The following TMEM38B variants were observed in gnomAD, a reference collection of about 807,000 sequenced individuals.
TMEM38B encodes trimeric intracellular cation channel type B.
In TMEM38B, 24 loss-of-function variants were observed where a neutral mutation model predicts 28.7. The ratio of observed to expected loss-of-function variants is 0.84; its 90% CI spans 0.61 to 1.18. The LOEUF is 1.18. TMEM38B is among the 50% of genes most tolerant of loss of function. The pLI, the probability that TMEM38B is intolerant of heterozygous loss-of-function variation, is 0.00. For synonymous variants in TMEM38B, 131 were observed against 127.7 expected (o/e 1.03, Z -0.17); for missense variants, 380 against 350.9 (o/e 1.08, Z -0.66).
At chr9:105,743,479 TAGAG>T (rs1448185655) in intron 4 of TMEM38B, among the ~76,000 whole-genome samples, 1 of 152,334 alleles carries the variant, frequency 6.6e-6, no homozygotes, top group South Asian at 2.1e-4. Flanking sequence ...ACTTGTAAGA[TAGAG>T]AGTTAGACAA....
At chr9:105,727,485 A>C (rs1050823458) in intron 4 of TMEM38B, among the ~76,000 whole-genome samples, 1 of 152,192 alleles carries the variant, frequency 6.6e-6, no homozygotes, top group African/African-American at 2.4e-5. Flanking sequence ...TGTGGATTTC[A>C]GATATTTTTG....
intron 5 of TMEM38B, among the ~76,000 whole-genome samples, chr9:105,767,954 C>T (rs1377805877): frequency 6.6e-6 from 1 of 152,040 alleles, no homozygotes; most frequent in African/African-American, 2.4e-5. Context: ...GCTAGAATGT[C>T]CTGTACAATG....
intron 4 of TMEM38B, among the ~76,000 whole-genome samples, chr9:105,729,006 A>G (rs1399903951): frequency 6.6e-6 from 1 of 152,210 alleles, no homozygotes; most frequent in African/African-American, 2.4e-5. Flanking sequence ...GTAGATTGCA[A>G]AAATTTTCTC....
intron 4 of TMEM38B, among the ~76,000 whole-genome samples, chr9:105,746,595 C>A (rs1294723403): frequency 1.3e-5 from 2 of 152,110 alleles, no homozygotes; most frequent in African/African-American, 4.8e-5. Context: ...ATTGCCCTGG[C>A]CAGAACTTCC....
intron 4 of TMEM38B, among the ~76,000 whole-genome samples, chr9:105,725,079 A>C (rs1836458625): frequency 6.6e-6 from 1 of 151,962 alleles, no homozygotes; most frequent in South Asian, 2.1e-4. Context: ...TTTTGTCACT[A>C]CCTAGAACGA....
chr9:105,743,570 G>A (rs529201913), intron 4 of TMEM38B, among the ~76,000 whole-genome samples: 22 of 152,162 alleles, frequency 1.4e-4, no homozygotes, highest in African/African-American at 5.3e-4. Flanking sequence ...TGGTAAATTA[G>A]CATCTTATTT....
chr9:105,731,143 T>C (rs1836726587), intron 4 of TMEM38B, among the ~76,000 whole-genome samples: 1 of 152,062 alleles, frequency 6.6e-6, no homozygotes, highest in Non-Finnish European at 1.5e-5. Flanking sequence ...TCTAATTCTT[T>C]TAATTGTGAT....
At chr9:105,698,152 A>G (rs905947269) in intron 1 of TMEM38B, among the ~76,000 whole-genome samples, 1 of 151,044 alleles carries the variant, frequency 6.6e-6, no homozygotes, top group African/African-American at 2.4e-5. Context: ...AAGTCCTTCC[A>G]ATGAATTCTT....
chr9:105,747,864 A>G (rs558514828), intron 4 of TMEM38B, among the ~76,000 whole-genome samples: 1 of 152,206 alleles, frequency 6.6e-6, no homozygotes, highest in East Asian at 1.9e-4. Context: ...CAGGTTGTTC[A>G]GTTTCCATGT....
intron 5 of TMEM38B, among the ~76,000 whole-genome samples, chr9:105,754,359 A>C (rs1325204401): frequency 2.0e-5 from 3 of 152,236 alleles, no homozygotes; most frequent in African/African-American, 7.2e-5. Flanking sequence ...CACAGCACTT[A>C]ATATAAAACT....
At chr9:105,759,972 A>G in intron 5 of TMEM38B, 1 of 1,554,952 alleles carries the variant, frequency 6.4e-7, no homozygotes, top group Non-Finnish European at 8.8e-7. Context: ...TGCAAAGTGA[A>G]CTCGGAGAGT....
chr9:105,724,362 C>T (rs1451175815), intron 4 of TMEM38B, among the ~76,000 whole-genome samples: 9 of 150,620 alleles, frequency 6.0e-5, no homozygotes, highest in East Asian at 4.1e-4. Flanking sequence ...AGGCTGGGCA[C>T]GGTGGCGTAT....
intron 5 of TMEM38B, among the ~76,000 whole-genome samples, chr9:105,765,320 A>T (rs1358963004): frequency 3.9e-5 from 6 of 152,216 alleles, no homozygotes; most frequent in African/African-American, 1.4e-4. Context: ...TTTAAAAGTC[A>T]ACTTTTTAGA....
intron 2 of TMEM38B, among the ~76,000 whole-genome samples, chr9:105,708,441 C>T (rs1462417308): frequency 6.6e-6 from 1 of 152,118 alleles, no homozygotes; most frequent in Non-Finnish European, 1.5e-5. Flanking sequence ...AAACCAGTCC[C>T]CTACAGATAC....
At chr9:105,765,884 C>G (rs1214020074) in intron 5 of TMEM38B, among the ~76,000 whole-genome samples, 3 of 152,078 alleles carry the variant, frequency 2.0e-5, no homozygotes, top group Non-Finnish European at 4.4e-5. Flanking sequence ...TCACTGCAAC[C>G]TCCGCCGCAT....
intron 5 of TMEM38B, among the ~76,000 whole-genome samples, chr9:105,754,723 G>A (rs1472238087): frequency 6.6e-6 from 1 of 152,052 alleles, no homozygotes; most frequent in Non-Finnish European, 1.5e-5. Context: ...AAGAACTAGA[G>A]AACCAAGAGG....
intron 2 of TMEM38B, among the ~76,000 whole-genome samples, chr9:105,706,858 C>T (rs1835689254): frequency 6.6e-6 from 1 of 151,942 alleles, no homozygotes; most frequent in Non-Finnish European, 1.5e-5. Context: ...CTCACTGCAA[C>T]CTCCACCTCC....
chr9:105,760,026 A>C, intron 5 of TMEM38B: 1 of 1,389,508 alleles, frequency 7.2e-7, no homozygotes, highest in South Asian at 1.2e-5. Flanking sequence ...GTTCAATAGA[A>C]TTTTCAGAAA....
intron 4 of TMEM38B, among the ~76,000 whole-genome samples, chr9:105,744,669 T>A (rs1837325638): frequency 6.6e-6 from 1 of 152,126 alleles, no homozygotes; most frequent in Admixed American, 6.6e-5. Flanking sequence ...ATGTGCCATG[T>A]TGGTGTGCTA....
Sources: gnomAD v4.1 joint callset for allele counts (sites outside exome capture counted in the v4.1 genomes callset) on GRCh38, gnomAD v4.1.1 for gene constraint, MANE v1.5 for transcripts, NCBI Gene and HGNC (gene_info 2026-07-23, HGNC 2026-07-21) for gene names.